The following CDH4 variants were observed in gnomAD, a reference collection of about 807,000 sequenced individuals.
The protein encoded by CDH4 is cadherin 4, also known as cadherin-4.
A neutral mutation model predicts 86.0 loss-of-function variants in CDH4; 33 were observed. The ratio of observed to expected loss-of-function variants is 0.38; its 90% confidence interval spans 0.29 to 0.51. CDH4 has a LOEUF of 0.51. CDH4 is among the 20% of genes least tolerant of loss of function. CDH4 has a pLI of 0.86. For missense variants in CDH4, 1,114 were observed against 1,307.4 expected (o/e 0.85, Z 2.28); for synonymous variants, 555 against 549.4 (o/e 1.01, Z -0.14).
At chr20:61,514,185 C>CT (rs1246787802) in intron 2 of CDH4, among the ~76,000 whole-genome samples, 1 of 152,164 alleles carries the variant, frequency 6.6e-6, no homozygotes, top group Non-Finnish European at 1.5e-5. Context: ...AAGGATTTGT[C>CT]TAAAAGCTTG....
intron 8 of CDH4, among the ~76,000 whole-genome samples, chr20:61,908,190 G>A (rs2054811680): frequency 1.3e-5 from 2 of 152,220 alleles, no homozygotes; most frequent in African/African-American, 2.4e-5. Context: ...CCTTGACAAG[G>A]CAGCCCGTTG....
At chr20:61,651,142 C>T (rs1021732614) in intron 2 of CDH4, among the ~76,000 whole-genome samples, 7 of 143,338 alleles carry the variant, frequency 4.9e-5, no homozygotes, top group Non-Finnish European at 9.0e-5. Context: ...CTGGTGTGCT[C>T]GTGTGAGTGA....
At chr20:61,740,051 C>T (rs1037066626) in intron 2 of CDH4, among the ~76,000 whole-genome samples, 5 of 152,090 alleles carry the variant, frequency 3.3e-5, no homozygotes, top group Non-Finnish European at 5.9e-5. Context: ...CAGAGACAGG[C>T]GAAGACTCCA....
intron 2 of CDH4, among the ~76,000 whole-genome samples, chr20:61,441,205 C>G (rs1286008222): frequency 6.6e-6 from 1 of 152,222 alleles, no homozygotes; most frequent in Non-Finnish European, 1.5e-5. Context: ...CCATCCATGG[C>G]AGGAGCCAAA....
At chr20:61,424,734 G>A (rs961006223) in intron 2 of CDH4, among the ~76,000 whole-genome samples, 1 of 108,724 alleles carries the variant, frequency 9.2e-6, no homozygotes, top group Admixed American at 9.2e-5. Context: ...GTGTCTCCCT[G>A]ACTCCCATTG....
At chr20:61,662,031 T>C (rs1435006524) in intron 2 of CDH4, among the ~76,000 whole-genome samples, 2 of 152,106 alleles carry the variant, frequency 1.3e-5, no homozygotes, top group Non-Finnish European at 2.9e-5. Flanking sequence ...CCCAGGTGTG[T>C]TGGAATGTCA....
intron 9 of CDH4, among the ~76,000 whole-genome samples, chr20:61,914,816 G>A (rs8122630): frequency 0.023 from 3,538 of 152,254 alleles, 129 homozygotes; most frequent in African/African-American, 0.079. Context: ...CACAGCTGCC[G>A]TCTTCCCCAC....
At chr20:61,408,676 C>A (rs2085097840) in intron 2 of CDH4, among the ~76,000 whole-genome samples, 1 of 152,072 alleles carries the variant, frequency 6.6e-6, no homozygotes, top group African/African-American at 2.4e-5. Flanking sequence ...CAGCCAGCTG[C>A]CACCACCTGT....
chr20:61,764,129 G>C (rs2088671013), intron 3 of CDH4, among the ~76,000 whole-genome samples: 1 of 152,184 alleles, frequency 6.6e-6, no homozygotes, highest in Non-Finnish European at 1.5e-5. Flanking sequence ...GCGGGGAGCA[G>C]GGCTGCCAGG....
intron 2 of CDH4, among the ~76,000 whole-genome samples, chr20:61,340,169 G>A (rs1461451502): frequency 6.6e-6 from 1 of 152,202 alleles, no homozygotes; most frequent in Non-Finnish European, 1.5e-5. Context: ...GGACTGGAGT[G>A]AAGGGAAGGG....
chr20:61,778,366 A>T (rs554649578), intron 4 of CDH4, among the ~76,000 whole-genome samples: 2 of 152,212 alleles, frequency 1.3e-5, no homozygotes, highest in African/African-American at 4.8e-5. Flanking sequence ...GTTAAACGAA[A>T]AAACGAGCGG....
rs555094145 is a variant in CDH4, at chr20:61,838,030, C to T, written c.577-6638C>T. Among the ~76,000 whole-genome samples, 34 of 152,140 alleles carry T rather than the reference C, an allele frequency of 2.2e-4. No homozygotes were observed. In the East Asian group the frequency reaches 6.0e-3, roughly 27 times the overall value. On this transcript the variant is annotated intron_variant, in intron 4 of 15. Coordinates refer to ENST00000614565, the MANE Select transcript of CDH4 (RefSeq NM_001794.5). ...TCCCCACCTTTCTCTGCCTGCTCAC[C>T]GTTTTTTCCTCTGGGTCTCGGGGTG...
chr20:61,468,921 C>T (rs2085487815), intron 2 of CDH4, among the ~76,000 whole-genome samples: 2 of 152,118 alleles, frequency 1.3e-5, no homozygotes, highest in African/African-American at 4.8e-5. Flanking sequence ...AATACTCCAT[C>T]GTGTATAGGT....
intron 3 of CDH4, among the ~76,000 whole-genome samples, chr20:61,744,734 C>T (rs2088393064): frequency 6.6e-6 from 1 of 152,222 alleles, no homozygotes; most frequent in African/African-American, 2.4e-5. Context: ...CATGCCCTGT[C>T]CTGAGGCTCC....
intron 4 of CDH4, among the ~76,000 whole-genome samples, chr20:61,812,614 CT>C (rs1008085072): frequency 3.3e-5 from 5 of 152,106 alleles, no homozygotes; most frequent in African/African-American, 1.2e-4. Flanking sequence ...AACACATTCC[CT>C]GCCCCTGGTA....
intron 2 of CDH4, among the ~76,000 whole-genome samples, chr20:61,565,331 A>ATGGGGAGG (rs1555809202): frequency 6.1e-5 from 1 of 16,526 alleles, no homozygotes; most frequent in Non-Finnish European, 1.0e-4. Context: ...GCTCTTGGTG[A>ATGGGGAGG]TGGTGGTAGT....
At chr20:61,656,375 G>A (rs2087190843) in intron 2 of CDH4, among the ~76,000 whole-genome samples, 1 of 150,502 alleles carries the variant, frequency 6.6e-6, no homozygotes, top group African/African-American at 2.4e-5. Flanking sequence ...GCGCGTGCTG[G>A]GGTGGGCAGG....
chr20:61,649,994 C>G (rs80353724), intron 2 of CDH4, among the ~76,000 whole-genome samples: 2 of 152,192 alleles, frequency 1.3e-5, no homozygotes, highest in African/African-American at 4.8e-5. Flanking sequence ...CGCCGGAGCC[C>G]TGAGTCTCCC....
Position 61,714,020 on chromosome 20 carries a change from T to TA in CDH4, c.170-29543_170-29542insA, listed in dbSNP as rs1238468072. On this transcript the variant is annotated intron_variant, in intron 2 of 15. Transcript: ENST00000614565. The stretch of plus-strand genomic sequence containing the variant: ...CCTGTCTTAGTCCATTGTCTATTCT[T>TA]TTTTTATTTTATTTTATTTTATTTT... 3.5e-3 allele frequency among the ~76,000 whole-genome samples: 513 copies of TA among 147,594 alleles called. 30 individuals carry two copies. Among genetic ancestry groups the TA allele is most frequent in the African/African-American group, 0.013 (485 of 38,484 alleles).
Sources: gnomAD v4.1 joint callset for allele counts (sites outside exome capture counted in the v4.1 genomes callset) on GRCh38, gnomAD v4.1.1 for gene constraint, MANE v1.5 for transcripts, NCBI Gene and HGNC (gene_info 2026-07-23, HGNC 2026-07-21) for gene names.